Variants in ZNF487 observed in about 807,000 individuals in gnomAD.
ZNF487 encodes zinc finger protein 487.
ZNF487 carries 4 observed loss-of-function variants against 3.0 expected under a neutral mutation model. The observed-to-expected ratio is 1.35, with a 90% CI of 0.66 to 3.08. The LOEUF (loss-of-function observed/expected upper bound fraction) is 3.08, where lower values mean the gene tolerates loss of function less well. Among genes scored for constraint, ZNF487 ranks in the 30% most tolerant of loss-of-function variants. ZNF487 has a pLI of 0.01. For missense variants in ZNF487, 146 were observed against 98.7 expected (o/e 1.48, Z -2.03); for synonymous variants, 55 against 34.6 (o/e 1.59, Z -2.06).
At chr10:43,491,821 C>T in the ZNF487 span, among the ~76,000 whole-genome samples, 84 of 151,752 alleles carry the variant, frequency 5.5e-4, 2 homozygotes, top group African/African-American at 1.8e-3. Context: ...AGCCAGATAG[C>T]GAATATTTTA....
the ZNF487 span, among the ~76,000 whole-genome samples, chr10:43,512,510 A>G: frequency 2.0e-5 from 3 of 152,198 alleles, no homozygotes; most frequent in African/African-American, 7.2e-5. Flanking sequence ...ACCAGAGCCC[A>G]GTAATAGGCC....
chr10:43,503,413 T>C, the ZNF487 span, among the ~76,000 whole-genome samples: 1 of 152,170 alleles, frequency 6.6e-6, no homozygotes, highest in African/African-American at 2.4e-5. Context: ...AAGATTATTG[T>C]TGAAGAAAGG....
intron 1 of ZNF487, among the ~76,000 whole-genome samples, chr10:43,440,592 A>T (rs1839562847): frequency 2.0e-5 from 3 of 151,636 alleles, no homozygotes; most frequent in Non-Finnish European, 4.4e-5. Flanking sequence ...TGGGAGGCAG[A>T]GGCAGCAGTG....
intron 1 of ZNF487, among the ~76,000 whole-genome samples, chr10:43,469,542 T>C (rs1394747914): frequency 6.6e-6 from 1 of 152,126 alleles, no homozygotes; most frequent in Non-Finnish European, 1.5e-5. Context: ...GGGTCCCTTA[T>C]GTTGCCCAGG....
chr10:43,441,801 T>C (rs1839622332), intron 1 of ZNF487, among the ~76,000 whole-genome samples: 1 of 151,450 alleles, frequency 6.6e-6, no homozygotes, highest in South Asian at 2.1e-4. Flanking sequence ...TGGCCAGGCA[T>C]GTCTTGAACT....
At chr10:43,512,783 G>A in the ZNF487 span, among the ~76,000 whole-genome samples, 224 of 152,240 alleles carry the variant, frequency 1.5e-3, 2 homozygotes, top group African/African-American at 5.1e-3. Context: ...CAGCCTTTCG[G>A]GTCACTTGAT....
chr10:43,505,251 A>G, the ZNF487 span, among the ~76,000 whole-genome samples: 4 of 150,684 alleles, frequency 2.7e-5, no homozygotes, highest in African/African-American at 9.8e-5. Context: ...TCTCCTATAT[A>G]GCTCTGTCCC....
At chr10:43,465,480 C>A (rs976654001) in intron 1 of ZNF487, among the ~76,000 whole-genome samples, 1 of 151,030 alleles carries the variant, frequency 6.6e-6, no homozygotes, top group African/African-American at 2.4e-5. Flanking sequence ...ACGGGGCGGC[C>A]GGGCAGAGAC....
At chr10:43,499,468 G>A in the ZNF487 span, among the ~76,000 whole-genome samples, 13 of 152,262 alleles carry the variant, frequency 8.5e-5, no homozygotes, top group Middle Eastern at 3.4e-3. Flanking sequence ...CCAGGCTGGA[G>A]TGCAGTGGTG....
Position 43,476,087 on chromosome 10 carries a change from T to C in ZNF487, c.35-20T>C, listed in dbSNP as rs1211417998. ...TCCGCAGGCTATCTGGCCCACGTCC[T>C]GTGTCATTTTCATTCACAGGATATT... On this transcript the variant is annotated intron_variant, in intron 2 of 3. Transcript: ENST00000437590. The C allele has an allele frequency of 1.4e-6, 1 of 716,802 alleles. No homozygotes were observed. The highest frequency in any genetic ancestry group is 1.5e-5 in the South Asian group (1 of 67,356). 44.4% of individuals were successfully genotyped at this position (716,802 alleles called of 1,614,324 possible). A position where few individuals can be genotyped will look rare whatever the true frequency, so the allele number is the denominator to read the frequency against.
chr10:43,460,376 CTTTCTTTTTTTTTT>C (rs1840385194), intron 1 of ZNF487, among the ~76,000 whole-genome samples: 1 of 136,694 alleles, frequency 7.3e-6, no homozygotes, highest in Non-Finnish European at 1.6e-5. Flanking sequence ...TGTTTTCTTT[CTTTCTTTTTTTTTT>C]TTTTTTTTTT....
intron 1 of ZNF487, among the ~76,000 whole-genome samples, chr10:43,443,921 T>C (rs1839711626): frequency 6.6e-6 from 1 of 151,066 alleles, no homozygotes; most frequent in South Asian, 2.1e-4. Context: ...GGCGTGATCT[T>C]GGCTCACTGC....
At chr10:43,497,894 G>A in the ZNF487 span, among the ~76,000 whole-genome samples, 183 of 150,066 alleles carry the variant, frequency 1.2e-3, no homozygotes, top group Non-Finnish European at 2.2e-3. Flanking sequence ...GTGAACCCGG[G>A]AGGCAGAGCT....
chr10:43,456,861 G>A (rs758744460), intron 1 of ZNF487, among the ~76,000 whole-genome samples: 3 of 152,198 alleles, frequency 2.0e-5, no homozygotes, highest in Non-Finnish European at 2.9e-5. Context: ...GATTACAGGC[G>A]TGAGCCACTG....
At chr10:43,493,709 A>ATATATATATAT in the ZNF487 span, among the ~76,000 whole-genome samples, 1 of 43,676 alleles carries the variant, frequency 2.3e-5, no homozygotes, top group African/African-American at 8.7e-5. Flanking sequence ...AAAAAAAAAA[A>ATATATATATAT]ATATATATAT....
At chr10:43,499,569 G>A in the ZNF487 span, among the ~76,000 whole-genome samples, 3 of 151,786 alleles carry the variant, frequency 2.0e-5, no homozygotes, top group Non-Finnish European at 4.4e-5. Context: ...CTGGGCACAC[G>A]GCAAAACCCC....
At chr10:43,503,564 A>G in the ZNF487 span, among the ~76,000 whole-genome samples, 1 of 152,142 alleles carries the variant, frequency 6.6e-6, no homozygotes, top group Non-Finnish European at 1.5e-5. Context: ...TGCAAGCTCC[A>G]TTCATGGTAA....
At chr10:43,474,182 G>T (rs1462903397) in intron 1 of ZNF487, among the ~76,000 whole-genome samples, 2 of 151,004 alleles carry the variant, frequency 1.3e-5, no homozygotes, top group African/African-American at 4.9e-5. Context: ...AGCAGGGGCT[G>T]GGTGCGGTGT....
chr10:43,457,807 G>C lies in ZNF487; in HGVS notation c.-93-17914G>C, dbSNP rs906918754. On this transcript the variant is annotated intron_variant, in intron 1 of 3. Coordinates refer to ENST00000437590, the MANE Select transcript of ZNF487 (RefSeq NM_001355444.3). Reference sequence around the variant, plus strand: ...GGAGGCCGAGGCGGGCGGATCACGAGGTCAGGAGATCGAGACCATCTTGGC... The same window carrying C: ...GGAGGCCGAGGCGGGCGGATCACGACGTCAGGAGATCGAGACCATCTTGGC... Among the ~76,000 whole-genome samples the C allele has an allele frequency of 2.0e-5, 3 of 152,174 alleles. No homozygotes were observed. In the East Asian group the frequency reaches 5.8e-4, roughly 30 times the overall value.
Sources: gnomAD v4.1 joint callset for allele counts (sites outside exome capture counted in the v4.1 genomes callset) on GRCh38, gnomAD v4.1.1 for gene constraint, MANE v1.5 for transcripts, NCBI Gene and HGNC (gene_info 2026-07-23, HGNC 2026-07-21) for gene names.